The following TCF7L1 variants were observed in gnomAD, a reference collection of about 807,000 sequenced individuals.
TCF7L1 encodes the protein transcription factor 7 like 1.
A neutral mutation model predicts 63.7 loss-of-function variants in TCF7L1; 18 were observed. The ratio of observed to expected loss-of-function variants is 0.28; its 90% confidence interval spans 0.20 to 0.42. The LOEUF is 0.42. TCF7L1 is among the 10% of genes least tolerant of loss of function. The probability of loss-of-function intolerance (pLI) is 1.00; values close to 1 mark genes in which losing one functional copy is unlikely to be tolerated. For synonymous variants in TCF7L1, 355 were observed against 340.9 expected, an observed-to-expected ratio of 1.04 and a Z score of -0.46; for missense variants, 654 against 779.3, an observed-to-expected ratio of 0.84 and a Z score of 1.91.
At chr2:85,242,784 C>T (rs929491426) in intron 3 of TCF7L1, among the ~76,000 whole-genome samples, 4 of 152,100 alleles carry the variant, frequency 2.6e-5, no homozygotes, top group African/African-American at 9.7e-5. Flanking sequence ...AGTTTTCTGT[C>T]TCCTTCAAGA....
At chr2:85,293,065 C>T (rs77616159) in intron 4 of TCF7L1, among the ~76,000 whole-genome samples, 5,391 of 152,162 alleles carry the variant, frequency 0.035, 124 homozygotes, top group South Asian at 0.093. Flanking sequence ...AGGTCATGTC[C>T]TTCTCATGGC....
chr2:85,186,119 A>G (rs1678916233), intron 3 of TCF7L1, among the ~76,000 whole-genome samples: 1 of 151,916 alleles, frequency 6.6e-6, no homozygotes, highest in Non-Finnish European at 1.5e-5. Flanking sequence ...GGTGCCTGCC[A>G]CCACGCCTGG....
chr2:85,196,222 T>C (rs1221277725), intron 3 of TCF7L1, among the ~76,000 whole-genome samples: 1 of 152,170 alleles, frequency 6.6e-6, no homozygotes, highest in African/African-American at 2.4e-5. Flanking sequence ...CCCTGAATAG[T>C]TTATGATTCA....
intron 5 of TCF7L1, among the ~76,000 whole-genome samples, chr2:85,302,904 T>C (rs73943088): frequency 0.12 from 18,409 of 152,136 alleles, 1,327 homozygotes; most frequent in South Asian, 0.21. Context: ...TGCCCAAGTC[T>C]AGCCCAGCTG....
rs1553398899 is a variant in TCF7L1, at chr2:85,204,293, C to CA, written c.441+69843_441+69844insA. On this transcript the variant is annotated intron_variant, in intron 3 of 11. Coordinates refer to ENST00000282111, the MANE Select transcript of TCF7L1 (RefSeq NM_031283.3). Reference sequence around the variant, plus strand: ...TTATTTCTATTTGATAACTTGCTTCCCCCCCCCCCCCCACTTAATAGGGTA... The same window carrying CA: ...TTATTTCTATTTGATAACTTGCTTCCACCCCCCCCCCCCACTTAATAGGGTA... Among the ~76,000 whole-genome samples the CA allele has an allele frequency of 5.4e-4, 19 of 35,460 alleles. 2 individuals carry two copies. The highest frequency in any genetic ancestry group is 2.5e-3 in the African/African-American group (18 of 7,234). 23.3% of individuals were successfully genotyped at this position (35,460 alleles called of 152,430 possible).
In TCF7L1 at chr2:85,243,832, C is replaced by T. The variant is rs142168474; in HGVS notation, c.442-39663C>T. On this transcript the variant is annotated intron_variant, in intron 3 of 11. Transcript: ENST00000282111. ...TTCACACGGCTCCCTGCAGAGTTGA[C>T]GTTGGGAGCTGCCCTGCTAGCCACG... Among the ~76,000 whole-genome samples, 399 of 152,274 alleles carry T rather than the reference C, an allele frequency of 2.6e-3. 2 individuals are homozygous for T. The highest frequency in any genetic ancestry group is 9.2e-3 in the African/African-American group (383 of 41,548).
At position 85,271,274 on chromosome 2, in the gene TCF7L1, G is replaced by A. The variant is rs577390600; in HGVS notation, c.442-12221G>A. ...ATTACAGGCACCCGCCACCACACCC[G>A]GCTAATTTTTGTGTTTTTAGTAGAG... On this transcript the variant is annotated intron_variant, in intron 3 of 11. Transcript: ENST00000282111. Among the ~76,000 whole-genome samples, 53 of 152,084 alleles carry A rather than the reference G, an allele frequency of 3.5e-4. 1 individual carries two copies. The highest frequency in any genetic ancestry group is 3.4e-3 in the Middle Eastern group (1 of 294).
Position 85,133,753 on chromosome 2 carries a change from C to G in TCF7L1, c.69C>G (p.Ala23=), listed in dbSNP as rs1677516719. The change falls in exon 1 of 12, where the codon GCC becomes GCG. Residue 23 remains alanine, a synonymous_variant. Coordinates refer to ENST00000282111, the MANE Select transcript of TCF7L1 (RefSeq NM_031283.3). This position sits in a 1 kb window ranked among gnomAD's most constrained non-coding sequence, Gnocchi z 4.4. ...GCGGGGGAGGCGGCGGCTCCAGCGC[C>G]GGGGCGGCCGGCGGAGGGGACGACC... ...GGSGGGGGSS[A]GAAGGGDDLG... is the part of the protein sequence containing the mutation. 1.6e-6 allele frequency: 2 copies of G among 1,237,056 alleles called. No individual in the cohort carries two copies. Among genetic ancestry groups the G allele is most frequent in the African/African-American group, 1.6e-5 (1 of 64,162 alleles). The allele number at this position is 1,237,056 out of a possible 1,614,324, so 76.6% of individuals were successfully genotyped here.
chr2:85,156,849 C>T (rs1345441294), intron 3 of TCF7L1, among the ~76,000 whole-genome samples: 1 of 152,182 alleles, frequency 6.6e-6, no homozygotes, highest in East Asian at 1.9e-4. Context: ...GCCCAGGAGA[C>T]ATTTGGCAAT....
intron 4 of TCF7L1, 45 bp from the exon 5 acceptor site, chr2:85,302,439 T>TC (rs1258024660): frequency 1.2e-6 from 2 of 1,613,410 alleles, no homozygotes; most frequent in Non-Finnish European, 1.7e-6. Flanking sequence ...GGTCATACTC[T>TC]CCATCTCCTT....
chr2:85,135,865 A>G (rs1414540362), intron 3 of TCF7L1, among the ~76,000 whole-genome samples: 1 of 150,890 alleles, frequency 6.6e-6, no homozygotes, highest in Admixed American at 6.6e-5. Flanking sequence ...TTTGCAGTGA[A>G]AACTGGATGT....
chr2:85,257,793 C>T (rs1032955101), intron 3 of TCF7L1, among the ~76,000 whole-genome samples: 1 of 152,206 alleles, frequency 6.6e-6, no homozygotes, highest in Non-Finnish European at 1.5e-5. Flanking sequence ...GCCCCGGAAT[C>T]AGGACCCTGG....
chr2:85,240,804 C>G (rs940757797), intron 3 of TCF7L1, among the ~76,000 whole-genome samples: 1 of 151,344 alleles, frequency 6.6e-6, no homozygotes, highest in African/African-American at 2.4e-5. Context: ...AATCAGTTGC[C>G]TGAAATAGTG....
At chr2:85,186,157 C>T (rs903414286) in intron 3 of TCF7L1, among the ~76,000 whole-genome samples, 7 of 152,000 alleles carry the variant, frequency 4.6e-5, no homozygotes, top group African/African-American at 1.7e-4. Flanking sequence ...TTAGTAGAGA[C>T]GGGGTTTCAT....
chr2:85,257,597 A>G (rs1299660804), intron 3 of TCF7L1, among the ~76,000 whole-genome samples: 1 of 152,210 alleles, frequency 6.6e-6, no homozygotes, highest in Non-Finnish European at 1.5e-5. Flanking sequence ...TCACCTTCTC[A>G]GCTCACAGAG....
intron 3 of TCF7L1, among the ~76,000 whole-genome samples, chr2:85,239,801 C>T (rs1364823518): frequency 6.6e-6 from 1 of 151,596 alleles, no homozygotes; most frequent in African/African-American, 2.4e-5. Context: ...AAAATTTAGC[C>T]GGGCATGGTG....
chr2:85,260,243 CCCTTCT>C (rs1476387528), intron 3 of TCF7L1, among the ~76,000 whole-genome samples: 18 of 152,098 alleles, frequency 1.2e-4, no homozygotes, highest in Non-Finnish European at 1.8e-4. Context: ...CTTCTGGGTG[CCCTTCT>C]CTATTTAATC....
intron 3 of TCF7L1, among the ~76,000 whole-genome samples, chr2:85,144,763 G>A (rs960761431): frequency 6.5e-4 from 99 of 151,332 alleles, no homozygotes; most frequent in African/African-American, 2.3e-3. Flanking sequence ...GTGTGTGTGT[G>A]TGTATGTATG....
chr2:85,142,431 AATGTGTGTGTGTGTGTGT>A, intron 3 of TCF7L1, among the ~76,000 whole-genome samples: 1 of 33,956 alleles, frequency 2.9e-5, no homozygotes, highest in South Asian at 1.3e-3. Flanking sequence ...AAAAAAAAAA[AATGTGTGTGTGTGTGTGT>A]GTGTGTGTGT....
Sources: allele counts gnomAD v4.1 joint callset (sites outside exome capture counted in the v4.1 genomes callset), GRCh38; gene constraint gnomAD v4.1.1; non-coding constraint Gnocchi (gnomAD v3.1); transcripts MANE v1.5; gene names NCBI Gene and HGNC (gene_info 2026-07-23, HGNC 2026-07-21).